Variants in NTM observed in about 807,000 individuals in gnomAD.
The protein encoded by NTM is IgLON family member 2.
In NTM, 13 loss-of-function variants were observed where a neutral mutation model predicts 42.1. The observed-to-expected ratio is 0.31, with a 90% CI of 0.20 to 0.49. The LOEUF is 0.49. NTM is among the 20% of genes least tolerant of loss of function. The probability of loss-of-function intolerance (pLI) is 0.99; values close to 1 mark genes in which losing one functional copy is unlikely to be tolerated. For synonymous variants in NTM, 187 were observed against 179.2 expected, an observed-to-expected ratio of 1.04 and a Z score of -0.35; for missense variants, 373 against 452.8, an observed-to-expected ratio of 0.82 and a Z score of 1.60.
chr11:131,505,084 C>T lies in NTM; in HGVS notation c.82+134196C>T, dbSNP rs1252243804. ...TCAGAGTCATGAAACCTACCTTCTACTTGACCATTGGGAAGTCACGAATCT... is the reference window on the plus strand; with the variant it reads ...TCAGAGTCATGAAACCTACCTTCTATTTGACCATTGGGAAGTCACGAATCT... On this transcript the variant is annotated intron_variant, in intron 1 of 8. Transcript: ENST00000683400. Among the ~76,000 whole-genome samples, 6 of 148,064 alleles carry T rather than the reference C, an allele frequency of 4.1e-5. No individual in the cohort carries two copies. The East Asian group carries it at 1.2e-3, about 30-fold the overall frequency.
At chr11:131,499,099 G>A (rs1041767835) in intron 1 of NTM, among the ~76,000 whole-genome samples, 1 of 152,108 alleles carries the variant, frequency 6.6e-6, no homozygotes, top group African/African-American at 2.4e-5. Flanking sequence ...GACAGCTCTC[G>A]GAGCCTGGAA....
chr11:131,546,387 G>T (rs972196227), intron 1 of NTM, among the ~76,000 whole-genome samples: 1 of 152,068 alleles, frequency 6.6e-6, no homozygotes, highest in African/African-American at 2.4e-5. Context: ...CTCTATCCCT[G>T]GCCACTGTCC....
chr11:131,716,835 T>A (rs2077743052), intron 1 of NTM, among the ~76,000 whole-genome samples: 1 of 152,158 alleles, frequency 6.6e-6, no homozygotes, highest in Admixed American at 6.5e-5. Context: ...TTACTAAAGC[T>A]TTTTGTTGTT....
chr11:131,826,650 G>A (rs1198123249), intron 1 of NTM, among the ~76,000 whole-genome samples: 1 of 151,888 alleles, frequency 6.6e-6, no homozygotes, highest in Non-Finnish European at 1.5e-5. Flanking sequence ...AAGGCCAGGA[G>A]TGGGAGGGCT....
chr11:132,237,185 A>T (rs1424186815), intron 4 of NTM, among the ~76,000 whole-genome samples: 3 of 152,234 alleles, frequency 2.0e-5, no homozygotes, highest in Non-Finnish European at 4.4e-5. Context: ...TGGGTCCATC[A>T]TCCTGAAGAA....
At chr11:131,676,812 A>C (rs1013686918) in intron 1 of NTM, among the ~76,000 whole-genome samples, 1 of 152,224 alleles carries the variant, frequency 6.6e-6, no homozygotes, top group African/African-American at 2.4e-5. Flanking sequence ...CACAGCCACA[A>C]CACAAGGTAT....
chr11:131,683,592 G>T (rs2073348819), intron 1 of NTM, among the ~76,000 whole-genome samples: 2 of 152,216 alleles, frequency 1.3e-5, no homozygotes, highest in Admixed American at 1.3e-4. Flanking sequence ...TGTGTCCGAG[G>T]TTCACTCTGT....
intron 1 of NTM, among the ~76,000 whole-genome samples, chr11:131,884,583 T>C (rs2050076192): frequency 1.3e-5 from 2 of 152,292 alleles, no homozygotes; most frequent in East Asian, 3.9e-4. Context: ...CTGGAGGAAG[T>C]ACCGCCTGTA....
intron 1 of NTM, among the ~76,000 whole-genome samples, chr11:131,908,452 G>C (rs2054184004): frequency 6.6e-6 from 1 of 152,202 alleles, no homozygotes; most frequent in Non-Finnish European, 1.5e-5. Context: ...TTAGATGCAA[G>C]AGCCAGGATT....
intron 2 of NTM, among the ~76,000 whole-genome samples, chr11:132,059,730 A>G (rs1299771012): frequency 1.2e-5 from 1 of 83,334 alleles, no homozygotes; most frequent in African/African-American, 4.6e-5. Context: ...CCCCCGCCCC[A>G]CACCACCCCC....
intron 1 of NTM, among the ~76,000 whole-genome samples, chr11:131,596,642 C>T (rs1033227012): frequency 6.6e-6 from 1 of 152,200 alleles, no homozygotes; most frequent in Non-Finnish European, 1.5e-5. Flanking sequence ...GAAAGCATGT[C>T]TAAGGACACC....
intron 1 of NTM, among the ~76,000 whole-genome samples, chr11:131,466,898 C>T (rs908090934): frequency 6.6e-6 from 1 of 152,152 alleles, no homozygotes; most frequent in Non-Finnish European, 1.5e-5. Context: ...TTCACAACTG[C>T]AAGGACAAGG....
chr11:131,604,623 C>T (rs996169656), intron 1 of NTM, among the ~76,000 whole-genome samples: 7 of 146,830 alleles, frequency 4.8e-5, no homozygotes, highest in Non-Finnish European at 1.0e-4. Context: ...AAGATTTACC[C>T]ATATATATTC....
intron 4 of NTM, among the ~76,000 whole-genome samples, chr11:132,267,901 AAAC>A (rs2093287640): frequency 6.6e-6 from 1 of 152,096 alleles, no homozygotes; most frequent in Admixed American, 6.6e-5. Flanking sequence ...CATATCCATG[AAAC>A]TTTCTTAATG....
chr11:132,090,206 C>A (rs1434827586), intron 2 of NTM, among the ~76,000 whole-genome samples: 1 of 152,132 alleles, frequency 6.6e-6, no homozygotes, highest in Middle Eastern at 3.2e-3. Flanking sequence ...AGCACTTAAA[C>A]CATGGGCTAT....
chr11:132,195,470 CA>C (rs371423167), intron 3 of NTM, among the ~76,000 whole-genome samples: 1,543 of 133,544 alleles, frequency 0.012, 6 homozygotes, highest in Middle Eastern at 0.049. Context: ...TATATAGAAC[CA>C]AAAAAAAAAA....
chr11:131,478,297 C>T (rs909958432), intron 1 of NTM, among the ~76,000 whole-genome samples: 3 of 152,122 alleles, frequency 2.0e-5, no homozygotes, highest in African/African-American at 4.8e-5. Context: ...CTCTTTGTTA[C>T]GTGGCTACTT....
chr11:131,416,541 G>A (rs956693600), intron 1 of NTM, among the ~76,000 whole-genome samples: 3 of 152,024 alleles, frequency 2.0e-5, no homozygotes, highest in African/African-American at 4.8e-5. Flanking sequence ...CTATGCTTGG[G>A]GAGCCAACTA....
At chr11:131,469,171 C>A (rs1952180080) in intron 1 of NTM, among the ~76,000 whole-genome samples, 1 of 152,298 alleles carries the variant, frequency 6.6e-6, no homozygotes, top group Non-Finnish European at 1.5e-5. Flanking sequence ...TCTCCCCTCC[C>A]CACCCACTGC....
Sources: allele counts gnomAD v4.1 joint callset (sites outside exome capture counted in the v4.1 genomes callset), GRCh38; gene constraint gnomAD v4.1.1; transcripts MANE v1.5; gene names NCBI Gene and HGNC (gene_info 2026-07-23, HGNC 2026-07-21).